The following RNF130 variants were observed in gnomAD, a reference collection of about 807,000 sequenced individuals.
The protein encoded by RNF130 is E3 ubiquitin-protein ligase RNF130.
Under a neutral mutation model 44.6 loss-of-function variants are expected in RNF130, and 21 were observed. The ratio of observed to expected loss-of-function variants is 0.47; its 90% CI spans 0.33 to 0.68. The LOEUF is 0.68. Among genes scored for constraint, RNF130 ranks in the 30% least tolerant of loss-of-function variants. The pLI is 0.02. For missense variants in RNF130, 479 were observed against 560.6 expected (o/e 0.85, Z 1.47); for synonymous variants, 214 against 210.4 (o/e 1.02, Z -0.15).
At chr5:179,971,409 G>A (rs1762583633) in intron 5 of RNF130, among the ~76,000 whole-genome samples, 2 of 152,098 alleles carry the variant, frequency 1.3e-5, no homozygotes, top group Admixed American at 6.5e-5. Context: ...TTGCTCTGTC[G>A]CCCAGGCTGA....
chr5:179,937,002 C>T (rs1024263697), intron 7 of RNF130, among the ~76,000 whole-genome samples: 2 of 152,034 alleles, frequency 1.3e-5, no homozygotes, highest in African/African-American at 4.8e-5. Context: ...AGTATAAAAC[C>T]GATGGAAGTT....
At chr5:180,032,771 GCTTTTTCCAAAAT>G (rs1309481398) in intron 2 of RNF130, among the ~76,000 whole-genome samples, 3 of 152,064 alleles carry the variant, frequency 2.0e-5, no homozygotes, top group South Asian at 2.1e-4. Context: ...CTAATGCTGT[GCTTTTTCCAAAAT>G]GCTTTGGCTA....
chr5:179,968,483 T>C (rs543394372), intron 6 of RNF130, among the ~76,000 whole-genome samples: 2 of 151,028 alleles, frequency 1.3e-5, no homozygotes, highest in African/African-American at 4.9e-5. Context: ...CTGGCCAACA[T>C]GGGGAAACCC....
Position 180,001,268 on chromosome 5 carries a change from C to T in RNF130, c.693+11793G>A, listed in dbSNP as rs139438359. ...CTTTCCCCACAATGAGGAGACTTAG[C>T]CAAAGTGATCCCTCTTGGTGTGAGG... On this transcript the variant is annotated intron_variant, in intron 3 of 8. Transcript: ENST00000521389. 1.1e-4 allele frequency among the ~76,000 whole-genome samples: 17 copies of T among 152,236 alleles called. No homozygotes were observed. The East Asian group carries it at 2.9e-3, about 26-fold the overall frequency.
At chr5:179,980,333 A>C in intron 3 of RNF130, 133 bp from the exon 4 acceptor site, 1 of 734,356 alleles carries the variant, frequency 1.4e-6, no homozygotes, top group Non-Finnish European at 2.2e-6. Context: ...TAAGAGAATG[A>C]TAAAATAGAA....
intron 8 of RNF130, among the ~76,000 whole-genome samples, chr5:179,959,032 C>T (rs1762269271): frequency 6.6e-6 from 1 of 152,092 alleles, no homozygotes; most frequent in East Asian, 1.9e-4. Flanking sequence ...TAGATATCGC[C>T]AGAGCTCCAG....
chr5:179,998,921 A>G (rs1763269349), intron 3 of RNF130, among the ~76,000 whole-genome samples: 1 of 141,106 alleles, frequency 7.1e-6, no homozygotes, highest in African/African-American at 2.6e-5. Context: ...TTGGGTGTAT[A>G]TATATTTACA....
intron 2 of RNF130, among the ~76,000 whole-genome samples, chr5:180,014,876 C>T (rs1252624891): frequency 6.6e-6 from 1 of 152,086 alleles, no homozygotes; most frequent in Non-Finnish European, 1.5e-5. Flanking sequence ...GTCCCAGATA[C>T]TCAGGAGGCT....
intron 3 of RNF130, among the ~76,000 whole-genome samples, chr5:179,985,967 T>C (rs1762942205): frequency 6.6e-6 from 1 of 152,264 alleles, no homozygotes; most frequent in African/African-American, 2.4e-5. Flanking sequence ...CTACTTCTCC[T>C]GTTATCTTGT....
chr5:179,961,976 C>T (rs1305648492), intron 8 of RNF130, among the ~76,000 whole-genome samples: 5 of 152,156 alleles, frequency 3.3e-5, no homozygotes, highest in South Asian at 4.1e-4. Flanking sequence ...AACAACCCTG[C>T]GATATGGTCC....
At chr5:180,042,913 A>T (rs542361150) in intron 1 of RNF130, among the ~76,000 whole-genome samples, 4 of 152,388 alleles carry the variant, frequency 2.6e-5, no homozygotes, top group Non-Finnish European at 5.9e-5. Flanking sequence ...ACTGCTTACT[A>T]GCTGTGTAAC....
chr5:180,017,271 T>A (rs564671361), intron 2 of RNF130, among the ~76,000 whole-genome samples: 1 of 152,332 alleles, frequency 6.6e-6, no homozygotes, highest in African/African-American at 2.4e-5. Context: ...TGATGGCGTG[T>A]CCCTCCTCAG....
intron 2 of RNF130, among the ~76,000 whole-genome samples, chr5:180,016,571 T>C (rs1254051109): frequency 2.0e-5 from 3 of 152,222 alleles, no homozygotes; most frequent in Admixed American, 6.5e-5. Flanking sequence ...CTGTCAGAGA[T>C]GGCAATCCAG....
Position 180,013,180 on chromosome 5 carries a change from G to A in RNF130, c.574C>T (p.Arg192Cys), listed in dbSNP as rs1481121779. The A allele has an allele frequency of 3.7e-6, 6 of 1,614,052 alleles. No individual in the cohort carries two copies. Among genetic ancestry groups the A allele is most frequent in the Non-Finnish European group, 5.1e-6 (6 of 1,180,018 alleles). The change falls in exon 3 of 9, where the codon CGT becomes TGT. Residue 192 changes from arginine (R) to cysteine (C), a missense_variant. Around this residue, in one of 3 missense-constraint regions of RNF130, gnomAD observed 180 missense variants for 275.1 expected, o/e 0.65. Transcript: ENST00000521389. Reference protein sequence around the residue: ...GTRMPPKNFSRGSLVFVSISF... With the variant: ...GTRMPPKNFSCGSLVFVSISF... Reference sequence around the variant, plus strand: ...ATTGACACGAAGACTAGAGAGCCACGGCTGAAGTTCTTCGGTGGCATTCGA... The same window carrying A: ...ATTGACACGAAGACTAGAGAGCCACAGCTGAAGTTCTTCGGTGGCATTCGA...
intron 3 of RNF130, among the ~76,000 whole-genome samples, chr5:180,006,893 T>C (rs926112283): frequency 3.9e-5 from 6 of 152,224 alleles, no homozygotes; most frequent in Non-Finnish European, 8.8e-5. Context: ...TTGAACTATC[T>C]ACACCTATAG....
At chr5:180,034,709 T>G (rs1017196361) in intron 2 of RNF130, among the ~76,000 whole-genome samples, 3 of 152,202 alleles carry the variant, frequency 2.0e-5, no homozygotes, top group African/African-American at 7.2e-5. Flanking sequence ...TCTGGGAACA[T>G]GGGTTTGGGG....
chr5:179,921,439 C>G (rs1003431138), intron 7 of RNF130, among the ~76,000 whole-genome samples: 3 of 152,238 alleles, frequency 2.0e-5, no homozygotes, highest in Non-Finnish European at 2.9e-5. Context: ...TCTCCTAGAC[C>G]TGTAAATACT....
intron 6 of RNF130, among the ~76,000 whole-genome samples, chr5:179,969,711 C>T (rs1346896352): frequency 6.6e-6 from 1 of 151,540 alleles, no homozygotes; most frequent in Non-Finnish European, 1.5e-5. Context: ...AAAAAGTGGC[C>T]AGGCACGGTG....
chr5:180,034,041 T>C (rs1764193435), intron 2 of RNF130, among the ~76,000 whole-genome samples: 1 of 152,142 alleles, frequency 6.6e-6, no homozygotes, highest in South Asian at 2.1e-4. Flanking sequence ...AACTGTGGCT[T>C]TTCCACAGAT....
Sources: allele counts gnomAD v4.1 joint callset (sites outside exome capture counted in the v4.1 genomes callset), GRCh38; gene constraint gnomAD v4.1.1; regional missense constraint gnomAD v4.1.1; transcripts MANE v1.5; gene names NCBI Gene and HGNC (gene_info 2026-07-23, HGNC 2026-07-21).